The following PI4KA variants were observed in gnomAD, a reference collection of about 807,000 sequenced individuals.
PI4KA encodes the protein phosphatidylinositol 4-kinase alpha.
In PI4KA, 122 loss-of-function variants were observed where a neutral mutation model predicts 271.4. The ratio of observed to expected loss-of-function variants is 0.45; its 90% CI spans 0.39 to 0.52. The LOEUF is 0.52. Among genes scored for constraint, PI4KA ranks in the 20% least tolerant of loss-of-function variants. PI4KA has a pLI of 0.00. For missense variants in PI4KA, 1,969 were observed against 2,769.1 expected (o/e 0.71, Z 6.48); for synonymous variants, 1,041 against 1,078.8 (o/e 0.96, Z 0.69).
chr22:20,805,591 G>A (rs887790583), intron 10 of PI4KA, among the ~76,000 whole-genome samples: 3 of 152,052 alleles, frequency 2.0e-5, no homozygotes, highest in African/African-American at 7.2e-5. Context: ...TCAGCAACTT[G>A]GGAGGCCGAG....
rs118185464 is a variant in PI4KA at position 20,791,109 on chromosome 22, C to T, written c.2328+2084G>A. 8.9e-4 allele frequency among the ~76,000 whole-genome samples: 136 copies of T among 152,268 alleles called. 6 individuals carry two copies. In the East Asian group the frequency reaches 0.025, roughly 28 times the overall value. ...TTTGTGTAATTTCAACCAACCTCAC[C>T]ACTCACTGCTTCCCTAAAGTGCAAA... On this transcript the variant is annotated intron_variant, in intron 19 of 54. Coordinates refer to ENST00000255882, the MANE Select transcript of PI4KA (RefSeq NM_058004.4).
intron 7 of PI4KA, among the ~76,000 whole-genome samples, chr22:20,815,137 C>T (rs542667844): frequency 6.6e-6 from 1 of 151,964 alleles, no homozygotes; most frequent in Non-Finnish European, 1.5e-5. Flanking sequence ...AATCCCAGTA[C>T]TTTGGGAGGC....
intron 32 of PI4KA, 145 bp from the exon 33 acceptor site, chr22:20,734,698 C>T: frequency 1.2e-6 from 1 of 863,660 alleles, no homozygotes; most frequent in Admixed American, 2.8e-5. Flanking sequence ...ATGAAGATCG[C>T]CTATAGTCCC....
At chr22:20,855,569 G>T (rs1927492082) in intron 1 of PI4KA, among the ~76,000 whole-genome samples, 1 of 152,188 alleles carries the variant, frequency 6.6e-6, no homozygotes, top group African/African-American at 2.4e-5. Flanking sequence ...AGGACCTCAA[G>T]TGTCACTAAA....
intron 22 of PI4KA, among the ~76,000 whole-genome samples, chr22:20,761,681 A>G (rs1931985639): frequency 6.6e-6 from 1 of 151,998 alleles, no homozygotes; most frequent in African/African-American, 2.4e-5. Context: ...ATGCTCACCA[A>G]CAGGAGACTG....
At chr22:20,853,763 C>A (rs926967305) in intron 1 of PI4KA, among the ~76,000 whole-genome samples, 1 of 151,888 alleles carries the variant, frequency 6.6e-6, no homozygotes, top group African/African-American at 2.4e-5. Flanking sequence ...AGTCACCAGA[C>A]CTGAAATATG....
chr22:20,851,102 A>G lies in PI4KA; in HGVS notation c.156+7468T>C, dbSNP rs551553967. On this transcript the variant is annotated intron_variant, in intron 1 of 54. Coordinates refer to ENST00000255882, the MANE Select transcript of PI4KA (RefSeq NM_058004.4). ...AGGCCAGGCACAGTGGCTCATGCCT[A>G]TAATCCCAGCACTTTGCGAGGCCGA... Among the ~76,000 whole-genome samples the G allele has an allele frequency of 1.7e-3, 258 of 152,214 alleles. 2 individuals carry two copies. Among genetic ancestry groups the G allele is most frequent in the African/African-American group, 6.0e-3 (249 of 41,536 alleles).
intron 41 of PI4KA, 49 bp from the exon 42 acceptor site, chr22:20,726,590 C>T: frequency 6.6e-7 from 1 of 1,518,622 alleles, no homozygotes; most frequent in Non-Finnish European, 8.9e-7. Flanking sequence ...GCAGAGCCAC[C>T]CAACCCTACG....
chr22:20,817,472 A>ACGG (rs2147680596), intron 7 of PI4KA, among the ~76,000 whole-genome samples: 1 of 152,152 alleles, frequency 6.6e-6, no homozygotes, highest in African/African-American at 2.4e-5. Flanking sequence ...ATGGTGGTTC[A>ACGG]CGGCTGTAAT....
chr22:20,813,514 G>C lies in PI4KA; in HGVS notation c.857-8C>G. On this transcript the variant is annotated splice_polypyrimidine_tract_variant and splice_region_variant and intron_variant, in intron 7 of 54. Coordinates refer to ENST00000255882, the MANE Select transcript of PI4KA (RefSeq NM_058004.4). ...CATCGGGCAAGCAGGAGGCTGGTGG[G>C]AGATAAAGCTGGAAACTCAGCCGTG... 1 of 1,613,292 alleles carries C rather than the reference G, an allele frequency of 6.2e-7. No individual in the cohort carries two copies. The highest frequency in any genetic ancestry group is 8.5e-7 in the Non-Finnish European group (1 of 1,179,588).
chr22:20,776,786 C>T (rs974730604), intron 19 of PI4KA, among the ~76,000 whole-genome samples: 2 of 152,168 alleles, frequency 1.3e-5, no homozygotes, highest in Admixed American at 6.5e-5. Flanking sequence ...CTAAGTTACA[C>T]GAAGTGCCTT....
At chr22:20,783,650 G>A (rs549241247) in intron 19 of PI4KA, among the ~76,000 whole-genome samples, 2 of 152,074 alleles carry the variant, frequency 1.3e-5, no homozygotes, top group Non-Finnish European at 2.9e-5. Context: ...AATAAAAGCT[G>A]GAAAGAGCTC....
rs960820530 is a variant in PI4KA, at chr22:20,718,562, C to T, written c.5246+131G>A. 59 of 1,090,296 alleles carry T rather than the reference C, an allele frequency of 5.4e-5. No individual in the cohort carries two copies. In the African/African-American group the frequency reaches 6.0e-4, roughly 11 times the overall value. The allele number at this position is 1,090,296 out of a possible 1,614,324, so 67.5% of individuals were successfully genotyped here. On this transcript the variant is annotated intron_variant, in intron 44 of 54. Coordinates refer to ENST00000255882, the MANE Select transcript of PI4KA (RefSeq NM_058004.4). ...TGTCCATCAGAACCACCAGCGGCCC[C>T]GCTGCTAGAGACTCTCATTCATCTG... is the stretch of plus-strand genomic sequence containing the variant.
chr22:20,813,685 C>T (rs1272493927), intron 7 of PI4KA, among the ~76,000 whole-genome samples, 179 bp from the exon 8 acceptor site: 2 of 152,216 alleles, frequency 1.3e-5, no homozygotes, highest in South Asian at 2.1e-4. Flanking sequence ...GGGACTGATG[C>T]CCCTCACCTG....
chr22:20,813,518 T>C lies in PI4KA; in HGVS notation c.857-12A>G, dbSNP rs773175981. ...GGGCAAGCAGGAGGCTGGTGGGAGA[T>C]AAAGCTGGAAACTCAGCCGTGGTGA... is the stretch of plus-strand genomic sequence containing the variant. On this transcript the variant is annotated splice_polypyrimidine_tract_variant and intron_variant, in intron 7 of 54. Coordinates refer to ENST00000255882, the MANE Select transcript of PI4KA (RefSeq NM_058004.4). 76 of 1,612,938 alleles carry C rather than the reference T, an allele frequency of 4.7e-5. 2 individuals are homozygous for C. In the Admixed American group the frequency reaches 1.1e-3, roughly 23 times the overall value.
In PI4KA at chr22:20,742,762, C is replaced by T. The variant is rs1050859948; in HGVS notation, c.3459G>A (p.Val1153=). 3 of 1,613,888 alleles carry T rather than the reference C, an allele frequency of 1.9e-6. No individual in the cohort carries two copies. The African/African-American group carries it at 4.0e-5, about 22-fold the overall frequency. ...LNLRNRYAGE[V]YGMIRFSGTT... is the part of the protein sequence containing the mutation. ...TGCCTGAGAACCGAATCATTCCATACACCTGCAAAAACATTCTCATCAGCA... is the reference window on the plus strand; with the variant it reads ...TGCCTGAGAACCGAATCATTCCATATACCTGCAAAAACATTCTCATCAGCA... The change falls in exon 31 of 55, where the codon GTG becomes GTA. Residue 1153 remains valine, a splice_region_variant and synonymous_variant. Transcript: ENST00000255882.
chr22:20,721,455 C>G (rs766393057), intron 42 of PI4KA, 37 bp from the exon 43 acceptor site: 2 of 1,610,098 alleles, frequency 1.2e-6, no homozygotes, highest in East Asian at 4.5e-5. Context: ...CCAGGCTCGG[C>G]CCTCTCCATG....
At chr22:20,799,470 C>A (rs544349895) in intron 15 of PI4KA, among the ~76,000 whole-genome samples, 194 bp from the exon 16 acceptor site, 37 of 139,858 alleles carry the variant, frequency 2.6e-4, no homozygotes, top group African/African-American at 8.5e-4. Context: ...TGACAAAGAT[C>A]TTTCTCGACT....
chr22:20,825,053 G>A (rs1426238552), intron 3 of PI4KA, among the ~76,000 whole-genome samples: 1 of 96,430 alleles, frequency 1.0e-5, no homozygotes, highest in African/African-American at 4.2e-5. Flanking sequence ...CTGGGTGACA[G>A]AATGAGACGC....
Sources: allele counts gnomAD v4.1 joint callset (sites outside exome capture counted in the v4.1 genomes callset), GRCh38; gene constraint gnomAD v4.1.1; transcripts MANE v1.5; gene names NCBI Gene and HGNC (gene_info 2026-07-23, HGNC 2026-07-21).